Variants in RAC1 observed in about 807,000 individuals in gnomAD.
RAC1 encodes ras-related C3 botulinum toxin substrate 1.
Under a neutral mutation model 25.2 loss-of-function variants are expected in RAC1, and 2 were observed. The ratio of observed to expected loss-of-function variants is 0.08; its 90% CI spans 0.03 to 0.25. The LOEUF (loss-of-function observed/expected upper bound fraction) is 0.25, where lower values mean the gene tolerates loss of function less well. Among genes scored for constraint, RAC1 ranks in the 10% least tolerant of loss-of-function variants. RAC1 has a pLI of 1.00. For missense variants in RAC1, 50 were observed against 235.7 expected (o/e 0.21, Z 5.16); for synonymous variants, 88 against 94.0 (o/e 0.94, Z 0.37).
intron 1 of RAC1, among the ~76,000 whole-genome samples, chr7:6,384,968 C>G (rs1349837767): frequency 6.6e-6 from 1 of 151,520 alleles, no homozygotes; most frequent in African/African-American, 2.4e-5. Context: ...GCCACACCCA[C>G]CTAATTTTTG....
chr7:6,397,852 GGTGGTGT>G (rs748609362), intron 3 of RAC1, among the ~76,000 whole-genome samples: 20 of 152,168 alleles, frequency 1.3e-4, no homozygotes, highest in Non-Finnish European at 2.6e-4. Context: ...AGCTGGGCGT[GGTGGTGT>G]GTGCCTGTAG....
At chr7:6,399,975 A>G (rs1171053759) in intron 3 of RAC1, 151 bp from the exon 4 acceptor site, 2 of 673,940 alleles carry the variant, frequency 3.0e-6, no homozygotes, top group Non-Finnish European at 5.2e-6. Context: ...CCTCTGACAA[A>G]CTGAAAGGGT....
intron 4 of RAC1, among the ~76,000 whole-genome samples, chr7:6,401,176 G>T (rs910086888): frequency 1.3e-5 from 2 of 152,004 alleles, no homozygotes; most frequent in Admixed American, 6.6e-5. Flanking sequence ...GGCTGGTCTC[G>T]AACCCCTGGC....
chr7:6,384,023 G>A (rs907096906), intron 1 of RAC1, among the ~76,000 whole-genome samples: 3 of 151,648 alleles, frequency 2.0e-5, no homozygotes, highest in African/African-American at 7.3e-5. Context: ...TCGAATTCCT[G>A]ACCTCAGGTG....
chr7:6,398,493 G>T (rs1783309276), intron 3 of RAC1, among the ~76,000 whole-genome samples: 2 of 152,230 alleles, frequency 1.3e-5, no homozygotes, highest in Admixed American at 6.5e-5. Flanking sequence ...GTAGCGTGGA[G>T]TGTTTCAGTG....
intron 3 of RAC1, among the ~76,000 whole-genome samples, chr7:6,394,682 G>GTTT (rs1203778826): frequency 6.6e-6 from 1 of 151,414 alleles, no homozygotes; most frequent in Non-Finnish European, 1.5e-5. Flanking sequence ...AGTTGTTGTT[G>GTTT]TTGTTGTTGT....
chr7:6,383,828 G>C (rs916202038), intron 1 of RAC1, among the ~76,000 whole-genome samples: 4 of 70,388 alleles, frequency 5.7e-5, no homozygotes, highest in African/African-American at 2.4e-4. Context: ...TTGAGACGGA[G>C]TTTTGCTCTT....
At chr7:6,395,113 C>A (rs1783197629) in intron 3 of RAC1, among the ~76,000 whole-genome samples, 1 of 152,126 alleles carries the variant, frequency 6.6e-6, no homozygotes, top group Non-Finnish European at 1.5e-5. Context: ...CTTGGCCTCC[C>A]CAAGTGCTGG....
At chr7:6,383,564 T>C (rs1782832367) in intron 1 of RAC1, among the ~76,000 whole-genome samples, 1 of 152,150 alleles carries the variant, frequency 6.6e-6, no homozygotes, top group Non-Finnish European at 1.5e-5. Context: ...GTTGAGCCTT[T>C]CTCAGCTAAA....
chr7:6,399,997 C>T lies in RAC1; in HGVS notation c.226-129C>T, dbSNP rs150929352. On this transcript the variant is annotated intron_variant, in intron 3 of 5. Transcript: ENST00000348035. Reference sequence around the variant, plus strand: ...CAAACTGAAAGGGTGGATCAGGAAGCGTCTGACCACACCACTGGTAGACAC... The same window carrying T: ...CAAACTGAAAGGGTGGATCAGGAAGTGTCTGACCACACCACTGGTAGACAC... 2.5e-5 allele frequency: 20 copies of T among 809,428 alleles called. 1 individual carries two copies. The highest frequency in any genetic ancestry group is 2.0e-4 in the East Asian group (8 of 40,198). 50.1% of individuals were successfully genotyped at this position (809,428 alleles called of 1,614,324 possible).
chr7:6,397,307 C>A (rs1003507915), intron 3 of RAC1, among the ~76,000 whole-genome samples: 2 of 143,394 alleles, frequency 1.4e-5, no homozygotes, highest in African/African-American at 5.3e-5. Context: ...ATAATTTTCT[C>A]ATTTTGAGAC....
intron 3 of RAC1, among the ~76,000 whole-genome samples, chr7:6,393,468 C>A (rs1055699652): frequency 1.3e-5 from 2 of 152,066 alleles, no homozygotes; most frequent in Admixed American, 6.5e-5. Context: ...AGGGTGAGGC[C>A]TCTCTAAGGA....
chr7:6,391,100 G>T (rs966969612), intron 2 of RAC1, among the ~76,000 whole-genome samples: 27 of 152,140 alleles, frequency 1.8e-4, no homozygotes, highest in African/African-American at 6.0e-4. Context: ...GTTTCGTCAT[G>T]TTGGCCAGGC....
intron 2 of RAC1, among the ~76,000 whole-genome samples, chr7:6,388,497 A>G (rs756816653): frequency 6.6e-6 from 1 of 151,280 alleles, no homozygotes; most frequent in Non-Finnish European, 1.5e-5. Context: ...GGCATACACC[A>G]CCACACCTGG....
intron 3 of RAC1, chr7:6,398,624 CTG>C (rs1483517182): frequency 1.9e-6 from 3 of 1,576,474 alleles, no homozygotes; most frequent in Non-Finnish European, 2.6e-6. Context: ...TGTCCTCAGT[CTG>C]TACTAAACTC....
chr7:6,387,423 T>C, intron 2 of RAC1, 140 bp downstream of exon 2: 1 of 654,056 alleles, frequency 1.5e-6, no homozygotes, highest in East Asian at 3.1e-5. Context: ...TGAAACCTAA[T>C]TATAAGGTAT....
At chr7:6,384,065 GA>G (rs1331678202) in intron 1 of RAC1, among the ~76,000 whole-genome samples, 2 of 151,630 alleles carry the variant, frequency 1.3e-5, no homozygotes, top group African/African-American at 4.8e-5. Context: ...AAAGTGCTGG[GA>G]TTACATGTGT....
At chr7:6,389,974 TC>T (rs1783041254) in intron 2 of RAC1, among the ~76,000 whole-genome samples, 5 of 137,424 alleles carry the variant, frequency 3.6e-5, no homozygotes, top group Admixed American at 7.5e-5. Flanking sequence ...TCCCTTCCTT[TC>T]TTCCCTCCCT....
intron 3 of RAC1, among the ~76,000 whole-genome samples, chr7:6,399,595 G>GT (rs1783341761): frequency 6.6e-6 from 1 of 152,204 alleles, no homozygotes; most frequent in Non-Finnish European, 1.5e-5. Context: ...CGTGAGGGTG[G>GT]TTGTCAGCTG....
Sources: allele counts gnomAD v4.1 joint callset (sites outside exome capture counted in the v4.1 genomes callset), GRCh38; gene constraint gnomAD v4.1.1; transcripts MANE v1.5; gene names NCBI Gene and HGNC (gene_info 2026-07-23, HGNC 2026-07-21).